MEI1: variants seen among roughly 807,000 people sequenced by gnomAD.
MEI1 encodes the protein meiotic double-stranded break formation protein 1, also known as meiosis inhibitor protein 1.
In MEI1, 103 loss-of-function variants were observed where a neutral mutation model predicts 146.2. The observed-to-expected ratio is 0.70, with a 90% CI of 0.60 to 0.83. The LOEUF (loss-of-function observed/expected upper bound fraction) is 0.83, where lower values mean the gene tolerates loss of function less well. Among genes scored for constraint, MEI1 ranks in the 40% least tolerant of loss-of-function variants. The pLI is 0.00. For synonymous variants in MEI1, 652 were observed against 628.2 expected (o/e 1.04, Z -0.57); for missense variants, 1,529 against 1,533.0 (o/e 1.00, Z 0.04).
chr22:41,785,859 C>T (rs559712679), intron 26 of MEI1, among the ~76,000 whole-genome samples: 1 of 150,590 alleles, frequency 6.6e-6, no homozygotes, highest in African/African-American at 2.4e-5. Context: ...CCACCACACC[C>T]GGCCTATTTT....
At chr22:41,745,214 G>A (rs1032815978) in intron 13 of MEI1, 150 bp downstream of exon 13, 30 of 526,778 alleles carry the variant, frequency 5.7e-5, no homozygotes, top group Non-Finnish European at 4.2e-5. Context: ...GGTTGGGGGT[G>A]TGTGGAGGAG....
chr22:41,793,725 T>TTCTGAAATCCAAGTAAC, intron 26 of MEI1, 104 bp from the exon 27 acceptor site: 2 of 998,032 alleles, frequency 2.0e-6, no homozygotes, highest in Non-Finnish European at 2.9e-6. Context: ...AAATCTGAAA[T>TTCTGAAATCCAAGTAAC]TCTGAAATCC....
At chr22:41,769,660 C>T (rs2075058175) in intron 19 of MEI1, among the ~76,000 whole-genome samples, 2 of 151,122 alleles carry the variant, frequency 1.3e-5, no homozygotes, top group East Asian at 2.0e-4. Flanking sequence ...TTAGTAGAGA[C>T]GGAGTTTCTC....
rs954791499 is a variant in MEI1 at position 41,718,250 on chromosome 22, A to G, written c.709A>G (p.Lys237Glu). The change falls in exon 6 of 31, where the codon AAG (lysine) becomes GAG (glutamate). Residue 237 changes from lysine to glutamate, a missense_variant. Physicochemically the swap from Lys to Glu is moderately conservative, Grantham distance 56. Coordinates refer to ENST00000401548, the MANE Select transcript of MEI1 (RefSeq NM_152513.4). ...TTCCATCCTGGATGGTGCCCAGACA[A>G]AGGAGCTGCAGATTAACTGCTTGGG... ...FLSILDGAQT[K>E]ELQINCLGLL... 6.2e-6 allele frequency: 10 copies of G among 1,613,854 alleles called. No homozygotes were observed. The highest frequency in any genetic ancestry group is 8.5e-6 in the Non-Finnish European group (10 of 1,179,894).
intron 26 of MEI1, among the ~76,000 whole-genome samples, chr22:41,791,546 G>T (rs1349042032): frequency 6.6e-6 from 1 of 152,170 alleles, no homozygotes; most frequent in Non-Finnish European, 1.5e-5. Context: ...CAAGGAGAGT[G>T]CCTGGAGGTA....
Position 41,778,815 on chromosome 22 carries a change from G to T in MEI1, c.2815+3G>T. 6.3e-7 allele frequency: 1 copy of T among 1,596,186 alleles called. No homozygotes were observed. The highest frequency in any genetic ancestry group is 8.5e-7 in the Non-Finnish European group (1 of 1,171,500). On this transcript the variant is annotated splice_donor_region_variant and intron_variant, in intron 22 of 30. Transcript: ENST00000401548. Reference sequence around the variant, plus strand: ...GGCCATGAAGCTCCTTCACCAAGGTGCCCTGGCTGCTTGGGATAGCGCCCA... The same window carrying T: ...GGCCATGAAGCTCCTTCACCAAGGTTCCCTGGCTGCTTGGGATAGCGCCCA...
intron 19 of MEI1, among the ~76,000 whole-genome samples, chr22:41,765,275 C>CA (rs764364229): frequency 2.6e-5 from 4 of 152,198 alleles, no homozygotes; most frequent in Non-Finnish European, 5.9e-5. Flanking sequence ...CTCAGCCTTT[C>CA]AAAGTGCTGG....
intron 20 of MEI1, 155 bp from the exon 21 acceptor site, chr22:41,775,947 G>A: frequency 1.5e-6 from 1 of 679,978 alleles, no homozygotes. Context: ...ACCTAGAAGA[G>A]CCTTTGGTAC....
In MEI1 at chr22:41,793,032, CTTTTTTTT is replaced by C. The variant is rs869223251; in HGVS notation, c.3346-773_3346-766del. 1.2e-4 allele frequency among the ~76,000 whole-genome samples: 6 copies of C among 48,450 alleles called. No homozygotes were observed. In the East Asian group the frequency reaches 3.2e-3, roughly 26 times the overall value. The allele number at this position is 48,450 out of a possible 152,430, so 31.8% of individuals were successfully genotyped here. A position where few individuals can be genotyped will look rare whatever the true frequency, so the allele number is the denominator to read the frequency against. On this transcript the variant is annotated intron_variant, in intron 26 of 30. Coordinates refer to ENST00000401548, the MANE Select transcript of MEI1 (RefSeq NM_152513.4). ...ATCTTCTTTTCTGAAACAAAGCATT[CTTTTTTTT>C]TTTTTTTTTTTTTTTTTTTTTTTCA...
At chr22:41,756,547 C>T (rs1045230953) in intron 17 of MEI1, among the ~76,000 whole-genome samples, 4 of 152,102 alleles carry the variant, frequency 2.6e-5, no homozygotes, top group Admixed American at 2.6e-4. Flanking sequence ...GATCTCGGCT[C>T]ATTGCAACCT....
Position 41,744,999 on chromosome 22 carries a change from G to A in MEI1, c.1473G>A (p.Glu491=). 3 of 1,562,700 alleles carry A rather than the reference G, an allele frequency of 1.9e-6. No homozygotes were observed. The highest frequency in any genetic ancestry group is 2.6e-6 in the Non-Finnish European group (3 of 1,152,848). Residue 491 remains glutamate, a synonymous_variant, in exon 13 of 31, where the codon GAG becomes GAA. Transcript: ENST00000401548. The part of the protein sequence containing the change: ...PLGHASSRDS[E]KAILQRGKFL... ...GCCATGCCTCCAGTAGAGATTCAGA[G>A]AAGGCCATTCTTCAAAGGGGAAAGT...
At chr22:41,752,551 G>T in intron 15 of MEI1, 40 bp from the exon 16 acceptor site, 1 of 1,550,032 alleles carries the variant, frequency 6.5e-7, no homozygotes, top group East Asian at 2.4e-5. Context: ...TGACAAGTCT[G>T]GTTTAAACTG....
Position 41,787,562 on chromosome 22 carries a change from C to T in MEI1, c.3345+2779C>T, listed in dbSNP as rs118182255. Among the ~76,000 whole-genome samples the T allele has an allele frequency of 2.0e-5, 3 of 152,236 alleles. No homozygotes were observed. The East Asian group carries it at 5.8e-4, about 29-fold the overall frequency. On this transcript the variant is annotated intron_variant, in intron 26 of 30. Transcript: ENST00000401548. ...CATAATCTTTAATACCTTAATCCTG[C>T]CCTGATGGCACAGTAGATCTTAAGC... is the stretch of plus-strand genomic sequence containing the variant.
At chr22:41,743,951 A>G (rs971750053) in intron 12 of MEI1, among the ~76,000 whole-genome samples, 7 of 151,152 alleles carry the variant, frequency 4.6e-5, no homozygotes, top group Non-Finnish European at 1.0e-4. Flanking sequence ...ATCTCGACTC[A>G]CTGCAACCTC....
chr22:41,709,469 C>T (rs776150325), intron 3 of MEI1: 6 of 656,412 alleles, frequency 9.1e-6, no homozygotes, highest in Admixed American at 1.8e-5. Context: ...GCATCACCTT[C>T]AGCCTTTGTC....
intron 12 of MEI1, among the ~76,000 whole-genome samples, chr22:41,744,163 C>T (rs368150251): frequency 2.6e-5 from 4 of 151,870 alleles, no homozygotes; most frequent in African/African-American, 9.7e-5. Context: ...CTGCGCTGGG[C>T]CCCTGCTACC....
At chr22:41,770,287 A>T (rs563501494) in intron 19 of MEI1, among the ~76,000 whole-genome samples, 1 of 152,014 alleles carries the variant, frequency 6.6e-6, no homozygotes, top group Non-Finnish European at 1.5e-5. Flanking sequence ...GACAATTACA[A>T]CCCACTGTGG....
chr22:41,709,122 C>G, intron 3 of MEI1: 1 of 674,416 alleles, frequency 1.5e-6, no homozygotes. Flanking sequence ...AACAACATAG[C>G]TTAAAAAAAT....
At chr22:41,699,982 A>G (rs566518984) in intron 1 of MEI1, among the ~76,000 whole-genome samples, 1 of 152,036 alleles carries the variant, frequency 6.6e-6, no homozygotes, top group Non-Finnish European at 1.5e-5. Context: ...CCGGGACCTC[A>G]CCCAGTCTCA....
Sources: allele counts gnomAD v4.1 joint callset (sites outside exome capture counted in the v4.1 genomes callset), GRCh38; gene constraint gnomAD v4.1.1; transcripts MANE v1.5; gene names NCBI Gene and HGNC (gene_info 2026-07-23, HGNC 2026-07-21).